RANBP3: variants seen among roughly 807,000 people sequenced by gnomAD.
RANBP3 encodes RAN binding protein 3.
A neutral mutation model predicts 77.3 loss-of-function variants in RANBP3; 14 were observed. The observed-to-expected ratio is 0.18, with a 90% CI of 0.12 to 0.28. The LOEUF is 0.28. RANBP3 is among the 10% of genes least tolerant of loss of function. RANBP3 has a pLI of 1.00. For missense variants in RANBP3, 586 were observed against 752.3 expected, an observed-to-expected ratio of 0.78 and a Z score of 2.59; for synonymous variants, 315 against 312.4, an observed-to-expected ratio of 1.01 and a Z score of -0.09.
At chr19:5,940,022 C>T (rs2058115098) in intron 5 of RANBP3, among the ~76,000 whole-genome samples, 1 of 152,254 alleles carries the variant, frequency 6.6e-6, no homozygotes, top group Non-Finnish European at 1.5e-5. Flanking sequence ...GTGGGCCAGC[C>T]AACAGGTTTC....
chr19:5,951,774 C>T (rs1446135098), intron 2 of RANBP3, among the ~76,000 whole-genome samples, 178 bp from the exon 3 acceptor site: 1 of 152,154 alleles, frequency 6.6e-6, no homozygotes, highest in African/African-American at 2.4e-5. Context: ...AACCGGCTCT[C>T]CGGCTGACGG....
Position 5,951,407 on chromosome 19 carries a change from G to T in RANBP3, c.268C>A (p.Arg90=), listed in dbSNP as rs759991228. The T allele has an allele frequency of 3.2e-6, 5 of 1,561,086 alleles. No individual in the cohort carries two copies. The highest frequency in any genetic ancestry group is 4.3e-6 in the Non-Finnish European group (5 of 1,151,718). The change falls in exon 3 of 17, where the codon CGA becomes AGA. Residue 90 remains arginine (R), a synonymous_variant. Transcript: ENST00000340578. ...APEAQLPPFP[R]ELAGRSAGGS... ...TGTGGACTTACCCCTGCCAGTTCTC[G>T]CGGAAAAGGAGGAAGCTGGGCTTCA...
chr19:5,932,097 A>C (rs1053210426), intron 7 of RANBP3, among the ~76,000 whole-genome samples: 4 of 152,226 alleles, frequency 2.6e-5, no homozygotes, highest in African/African-American at 9.6e-5. Flanking sequence ...TAACCTGTGA[A>C]AATTGAGGCT....
intron 1 of RANBP3, among the ~76,000 whole-genome samples, chr19:5,972,534 C>T (rs924224060): frequency 4.6e-5 from 7 of 152,176 alleles, no homozygotes; most frequent in Admixed American, 3.3e-4. Context: ...AACTGCCTCA[C>T]GATTGCTTCA....
intron 1 of RANBP3, among the ~76,000 whole-genome samples, chr19:5,975,341 TTC>T (rs1204076690): frequency 2.0e-5 from 3 of 152,086 alleles, no homozygotes; most frequent in Non-Finnish European, 4.4e-5. Context: ...AACATTCCAT[TTC>T]TCTCTTTGGC....
At chr19:5,953,542 C>A (rs1168138597) in intron 2 of RANBP3, among the ~76,000 whole-genome samples, 1 of 152,182 alleles carries the variant, frequency 6.6e-6, no homozygotes, top group Non-Finnish European at 1.5e-5. Context: ...CATTATTCTG[C>A]TAGTACAACC....
In RANBP3 at chr19:5,922,971, C is replaced by T. The variant is rs554357167; in HGVS notation, c.1209+223G>A. On this transcript the variant is annotated intron_variant, in intron 13 of 16. Transcript: ENST00000340578. ...AATTAAAACAAAACAAAGAATGTCT[C>T]AAACAGATCCTCCTCCTCTGAAACC... 1.1e-4 allele frequency among the ~76,000 whole-genome samples: 16 copies of T among 152,280 alleles called. No individual in the cohort carries two copies. The South Asian group carries it at 3.1e-3, about 30-fold the overall frequency.
intron 5 of RANBP3, among the ~76,000 whole-genome samples, chr19:5,936,089 G>GC (rs2058060757): frequency 6.6e-6 from 1 of 152,222 alleles, no homozygotes; most frequent in Non-Finnish European, 1.5e-5. Context: ...AGCCATGCTT[G>GC]CCCCCCAGGG....
chr19:5,917,352 T>G lies in RANBP3; in HGVS notation c.*258A>C. The G allele has an allele frequency of 1.9e-6, 1 of 526,298 alleles. No individual in the cohort carries two copies. Among genetic ancestry groups the G allele is most frequent in the Non-Finnish European group, 3.4e-6 (1 of 295,922 alleles). 32.6% of individuals were successfully genotyped at this position (526,298 alleles called of 1,614,324 possible). ...GCCGTGACAAGTCTTAATGTGCCAT[T>G]TCAATTCAAAGGAGGGGAGGGAGGA... is the stretch of plus-strand genomic sequence containing the variant. On this transcript the variant is annotated 3_prime_UTR_variant, in exon 17 of 17. Coordinates refer to ENST00000340578, the MANE Select transcript of RANBP3 (RefSeq NM_007322.3).
chr19:5,950,323 C>T (rs943584209), intron 3 of RANBP3, among the ~76,000 whole-genome samples: 10 of 152,176 alleles, frequency 6.6e-5, no homozygotes, highest in Admixed American at 2.0e-4. Flanking sequence ...CCACTACTGC[C>T]GTTACCTCCC....
At position 5,931,511 on chromosome 19, in the gene RANBP3, C is replaced by T. The variant is rs781272817; in HGVS notation, c.586G>A (p.Gly196Arg). 1.9e-6 allele frequency: 3 copies of T among 1,610,926 alleles called. No individual in the cohort carries two copies. The highest frequency in any genetic ancestry group is 1.7e-6 in the Non-Finnish European group (2 of 1,178,152). Residue 196 changes from glycine to arginine, a missense_variant, in exon 8 of 17, where the codon GGG becomes AGG. Physicochemically the swap from Gly to Arg is moderately radical, Grantham distance 125 (BLOSUM62 -2). Coordinates refer to ENST00000340578, the MANE Select transcript of RANBP3 (RefSeq NM_007322.3). ...SQTVPSSGTN[G>R]VSLPADCTGA... ...GTGCAGTCTGCTGGGAGGCTGACCC[C>T]GTTGGTGCCACTGCTGGGGACTGTG...
rs2058290698 is a variant in RANBP3, at chr19:5,952,756, A to G, written c.79-1160T>C. Among the ~76,000 whole-genome samples, 1 of 152,198 alleles carries G rather than the reference A, an allele frequency of 6.6e-6. No homozygotes were observed. Among genetic ancestry groups the G allele is most frequent in the African/African-American group, 2.4e-5 (1 of 41,428 alleles). Reference sequence around the variant, plus strand: ...AAAGAGGATGTAAGAGAATGTACACAAATTCCTAGGAAAGCAAAAGCAATC... The same window carrying G: ...AAAGAGGATGTAAGAGAATGTACACGAATTCCTAGGAAAGCAAAAGCAATC... On this transcript the variant is annotated intron_variant, in intron 2 of 16. Coordinates refer to ENST00000340578, the MANE Select transcript of RANBP3 (RefSeq NM_007322.3). The surrounding 1 kb of genome is among the most constrained non-coding windows in gnomAD (Gnocchi z 4.1).
At chr19:5,933,175 C>G (rs1439353432) in intron 6 of RANBP3, 18 of 486,784 alleles carry the variant, frequency 3.7e-5, no homozygotes, top group Non-Finnish European at 3.7e-6. Flanking sequence ...TGCACCCCGC[C>G]TAGCCTGCTC....
At chr19:5,948,780 G>A (rs896907044) in intron 3 of RANBP3, among the ~76,000 whole-genome samples, 2 of 152,092 alleles carry the variant, frequency 1.3e-5, no homozygotes, top group South Asian at 2.1e-4. Context: ...ACCTCCTTAA[G>A]CTCCCTGGTG....
At chr19:5,968,139 C>A (rs984922752) in intron 1 of RANBP3, among the ~76,000 whole-genome samples, 7 of 152,226 alleles carry the variant, frequency 4.6e-5, no homozygotes, top group African/African-American at 1.4e-4. Flanking sequence ...AGGCAACATG[C>A]AAGTGGCTGA....
intron 1 of RANBP3, among the ~76,000 whole-genome samples, chr19:5,969,243 C>T (rs2058503163): frequency 6.6e-6 from 1 of 152,202 alleles, no homozygotes; most frequent in African/African-American, 2.4e-5. Flanking sequence ...GTGGCCATCA[C>T]CATCAATGCT....
intron 3 of RANBP3, among the ~76,000 whole-genome samples, chr19:5,944,193 T>C (rs1348386990): frequency 6.6e-6 from 1 of 152,188 alleles, no homozygotes; most frequent in Non-Finnish European, 1.5e-5. Flanking sequence ...ATCTGGAGGC[T>C]ACGCTGGGGG....
chr19:5,972,317 T>C (rs1256493817), intron 1 of RANBP3, among the ~76,000 whole-genome samples: 2 of 152,212 alleles, frequency 1.3e-5, no homozygotes, highest in Non-Finnish European at 2.9e-5. Context: ...GCTAGTGCTG[T>C]GTGGCAGCTC....
intron 1 of RANBP3, chr19:5,965,866 C>G (rs907859713): frequency 3.9e-4 from 59 of 152,250 alleles, no homozygotes; most frequent in African/African-American, 1.4e-3. Flanking sequence ...TAGGTTTTAT[C>G]TGCATCATGT....
Sources: gnomAD v4.1 joint callset for allele counts (sites outside exome capture counted in the v4.1 genomes callset) on GRCh38, gnomAD v4.1.1 for gene constraint, Gnocchi (gnomAD v3.1) non-coding constraint, MANE v1.5 for transcripts, NCBI Gene and HGNC (gene_info 2026-07-23, HGNC 2026-07-21) for gene names.